EMCN: variants seen among roughly 807,000 people sequenced by gnomAD.
EMCN encodes MUC-14.
In EMCN, 37 loss-of-function variants were observed where a neutral mutation model predicts 38.4. The observed-to-expected ratio is 0.96, with a 90% CI of 0.74 to 1.27. EMCN has a LOEUF of 1.27. EMCN is among the 50% of genes most tolerant of loss of function. The pLI is 0.00. For synonymous variants in EMCN, 95 were observed against 100.8 expected, an observed-to-expected ratio of 0.94 and a Z score of 0.35; for missense variants, 318 against 302.8, an observed-to-expected ratio of 1.05 and a Z score of -0.37.
At chr4:100,484,765 T>C (rs905947421) in intron 1 of EMCN, among the ~76,000 whole-genome samples, 6 of 152,148 alleles carry the variant, frequency 3.9e-5, no homozygotes, top group African/African-American at 1.4e-4. Context: ...GGGAAATAAA[T>C]TTTTTGGTAT....
intron 11 of EMCN, among the ~76,000 whole-genome samples, chr4:100,405,894 A>G (rs866111990): frequency 4.6e-5 from 7 of 151,892 alleles, no homozygotes; most frequent in African/African-American, 1.7e-4. Flanking sequence ...TACTGATTCA[A>G]TTTTGGAATG....
intron 11 of EMCN, among the ~76,000 whole-genome samples, chr4:100,408,941 A>G (rs1428425990): frequency 1.3e-5 from 2 of 152,186 alleles, no homozygotes; most frequent in Non-Finnish European, 2.9e-5. Flanking sequence ...ACAAATTCCA[A>G]GATTCCTAAT....
chr4:100,453,849 A>T, intron 4 of EMCN, among the ~76,000 whole-genome samples: 1 of 152,178 alleles, frequency 6.6e-6, no homozygotes. Context: ...GCCATAAAAA[A>T]TGATGAGTTC....
intron 4 of EMCN, among the ~76,000 whole-genome samples, chr4:100,449,050 A>G (rs73833338): frequency 0.011 from 1,664 of 152,148 alleles, 30 homozygotes; most frequent in African/African-American, 0.037. Flanking sequence ...CTGTCAGAAC[A>G]TAACTCCATG....
intron 2 of EMCN, among the ~76,000 whole-genome samples, chr4:100,478,093 T>C (rs963163105): frequency 5.9e-5 from 9 of 152,152 alleles, no homozygotes; most frequent in African/African-American, 2.2e-4. Context: ...ATTTTCTCTG[T>C]TGTCTTTGTC....
intron 5 of EMCN, among the ~76,000 whole-genome samples, chr4:100,432,013 A>G (rs533595486): frequency 4.5e-4 from 68 of 152,290 alleles, no homozygotes; most frequent in Admixed American, 1.6e-3. Context: ...AGGACAAGTT[A>G]TTAGCTCTGC....
intron 1 of EMCN, among the ~76,000 whole-genome samples, chr4:100,482,548 A>C (rs191208642): frequency 5.9e-5 from 9 of 152,246 alleles, no homozygotes; most frequent in Admixed American, 4.6e-4. Flanking sequence ...TCTGGAGTGG[A>C]GAAGTGAAAG....
chr4:100,474,551 G>A (rs1033326670), intron 3 of EMCN, among the ~76,000 whole-genome samples: 1 of 152,110 alleles, frequency 6.6e-6, no homozygotes, highest in African/African-American at 2.4e-5. Context: ...GCACATAAAT[G>A]TTCATAGCAG....
intron 3 of EMCN, 111 bp from the exon 4 acceptor site, chr4:100,465,650 T>G: frequency 1.9e-6 from 1 of 532,436 alleles, no homozygotes; most frequent in Non-Finnish European, 3.2e-6. Flanking sequence ...AGAAGTCTTC[T>G]GACTAAGCCT....
In EMCN at chr4:100,479,928, G is replaced by T. The variant is rs1728761492; in HGVS notation, c.176C>A (p.Thr59Lys). 6.2e-7 allele frequency: 1 copy of T among 1,607,556 alleles called. No homozygotes were observed. Among genetic ancestry groups the T allele is most frequent in the South Asian group, 1.1e-5 (1 of 89,842 alleles). ...QKNVVTPTTGTTPKGTITNEL... is the reference protein window; with the variant it reads ...QKNVVTPTTGKTPKGTITNEL... ...ACAGTTAATCCTACCTTTAGGAGTT[G>T]TTCCAGTTGTTGGTGTGACAACATT... is the stretch of plus-strand genomic sequence containing the variant. Residue 59 changes from threonine to lysine, a missense_variant, in exon 2 of 12, where the codon ACA (threonine) becomes AAA (lysine). By Grantham distance (78) the Thr-to-Lys change is moderately conservative (BLOSUM62 -1). Coordinates refer to ENST00000296420, the MANE Select transcript of EMCN (RefSeq NM_016242.4).
chr4:100,400,366 G>GT (rs1474046014), intron 11 of EMCN, among the ~76,000 whole-genome samples: 8 of 134,624 alleles, frequency 5.9e-5, no homozygotes, highest in Non-Finnish European at 1.3e-4. Context: ...TTTTTTTTTT[G>GT]TTTTTTGTTT....
chr4:100,415,143 C>T (rs1274241903), intron 10 of EMCN, among the ~76,000 whole-genome samples: 7 of 152,108 alleles, frequency 4.6e-5, no homozygotes, highest in Admixed American at 1.3e-4. Flanking sequence ...GTGATCTGCC[C>T]GCCTCAGCCT....
intron 5 of EMCN, among the ~76,000 whole-genome samples, chr4:100,431,717 A>G (rs919206603): frequency 7.3e-4 from 33 of 45,510 alleles, no homozygotes; most frequent in Non-Finnish European, 1.5e-3. Flanking sequence ...AATTCTTACA[A>G]TACATCTCTC....
intron 3 of EMCN, among the ~76,000 whole-genome samples, chr4:100,473,009 T>TTA (rs202076034): frequency 0.035 from 3,486 of 99,314 alleles, 71 homozygotes; most frequent in African/African-American, 0.06. Flanking sequence ...TATATATATA[T>TTA]TATATATATA....
chr4:100,405,577 T>C (rs137965524), intron 11 of EMCN, among the ~76,000 whole-genome samples: 1 of 152,268 alleles, frequency 6.6e-6, no homozygotes, highest in African/African-American at 2.4e-5. Flanking sequence ...GCTTTCTTGA[T>C]CATGGTGGAT....
chr4:100,426,506 C>A (rs113603479), intron 5 of EMCN, among the ~76,000 whole-genome samples: 1 of 152,082 alleles, frequency 6.6e-6, no homozygotes, highest in African/African-American at 2.4e-5. Flanking sequence ...CTTTCCTTGT[C>A]CCCTCACAGG....
intron 1 of EMCN, among the ~76,000 whole-genome samples, chr4:100,485,445 T>C (rs1359678861): frequency 6.6e-6 from 1 of 152,076 alleles, no homozygotes; most frequent in East Asian, 1.9e-4. Flanking sequence ...TTGGGACTTA[T>C]AAATGGTAGG....
chr4:100,414,936 C>G (rs565196823), intron 10 of EMCN, among the ~76,000 whole-genome samples: 23 of 152,204 alleles, frequency 1.5e-4, no homozygotes, highest in Non-Finnish European at 2.9e-4. Context: ...AGTCTCGCTC[C>G]TTTGTCACCC....
intron 5 of EMCN, among the ~76,000 whole-genome samples, chr4:100,442,938 C>A (rs1727563976): frequency 6.6e-6 from 1 of 152,194 alleles, no homozygotes; most frequent in African/African-American, 2.4e-5. Flanking sequence ...AAATCTCCAC[C>A]TCCCAGATTC....
Sources: gnomAD v4.1 joint callset for allele counts (sites outside exome capture counted in the v4.1 genomes callset) on GRCh38, gnomAD v4.1.1 for gene constraint, MANE v1.5 for transcripts, NCBI Gene and HGNC (gene_info 2026-07-23, HGNC 2026-07-21) for gene names.